The following ACER1 variants were observed in gnomAD, a reference collection of about 807,000 sequenced individuals.
ACER1 encodes the protein alkaline ceramidase 1.
A neutral mutation model predicts 24.9 loss-of-function variants in ACER1; 28 were observed. That is an observed-to-expected ratio of 1.13 (90% CI 0.83 to 1.54). ACER1 has a LOEUF of 1.54. Ranked by LOEUF, ACER1 falls within the 40% of genes most tolerant of loss-of-function variation. The probability of loss-of-function intolerance (pLI) is 0.00; values close to 1 mark genes in which losing one functional copy is unlikely to be tolerated. For synonymous variants in ACER1, 132 were observed against 131.4 expected, an observed-to-expected ratio of 1.00 and a Z score of -0.03; for missense variants, 352 against 349.3, an observed-to-expected ratio of 1.01 and a Z score of -0.06.
At chr19:6,353,426 G>A in the ACER1 span, 1 of 152,160 alleles carries the variant, frequency 6.6e-6, no homozygotes, top group African/African-American at 2.4e-5. Context: ...CTTGACTCCA[G>A]GAATTTGAAA....
At chr19:6,320,980 C>T (rs1343720550) in intron 1 of ACER1, among the ~76,000 whole-genome samples, 1 of 151,134 alleles carries the variant, frequency 6.6e-6, no homozygotes, top group African/African-American at 2.4e-5. Context: ...GTGCCAAGAG[C>T]TGTGGGTTGT....
At chr19:6,327,664 G>C (rs2091668040) in intron 1 of ACER1, among the ~76,000 whole-genome samples, 2 of 151,954 alleles carry the variant, frequency 1.3e-5, no homozygotes, top group African/African-American at 4.8e-5. Context: ...TCAGCCCACT[G>C]CCTTGTATCA....
chr19:6,347,109 A>AAAAAAAAAAAAATAT, the ACER1 span, among the ~76,000 whole-genome samples: 5 of 113,822 alleles, frequency 4.4e-5, no homozygotes, highest in Non-Finnish European at 6.3e-5. Context: ...AAAAAAAAAA[A>AAAAAAAAAAAAATAT]ATATATATAT....
chr19:6,328,893 T>C (rs1451798906), intron 1 of ACER1, among the ~76,000 whole-genome samples: 1 of 151,928 alleles, frequency 6.6e-6, no homozygotes, highest in East Asian at 1.9e-4. Flanking sequence ...CAGGCTGGTC[T>C]TGAACTCCTG....
intron 4 of ACER1, 84 bp from the exon 5 acceptor site, chr19:6,307,374 A>G (rs543930967): frequency 2.7e-6 from 4 of 1,508,878 alleles, no homozygotes; most frequent in Non-Finnish European, 3.6e-6. Context: ...TTCCACAGTG[A>G]TGAGGCTCAG....
intron 1 of ACER1, among the ~76,000 whole-genome samples, chr19:6,332,881 G>A (rs1260023317): frequency 6.6e-6 from 1 of 151,984 alleles, no homozygotes; most frequent in Non-Finnish European, 1.5e-5. Context: ...GTTGCCCAGG[G>A]CGATCTCCAA....
chr19:6,349,091 AAAG>A, the ACER1 span, among the ~76,000 whole-genome samples: 2 of 151,088 alleles, frequency 1.3e-5, no homozygotes, highest in Non-Finnish European at 2.9e-5. Flanking sequence ...GAGGAGGAAG[AAAG>A]AAGAAGAGGA....
At chr19:6,335,814 G>C (rs1189066069), upstream of ACER1, among the ~76,000 whole-genome samples, 1 of 151,380 alleles carries the variant, frequency 6.6e-6, no homozygotes, top group African/African-American at 2.4e-5. Flanking sequence ...CTGGGTGACA[G>C]AGAAAGACTC....
chr19:6,327,962 G>C (rs1025503781), intron 1 of ACER1, among the ~76,000 whole-genome samples: 7 of 151,600 alleles, frequency 4.6e-5, no homozygotes, highest in African/African-American at 1.7e-4. Flanking sequence ...TATAATCCCA[G>C]CTACTCGGGA....
chr19:6,331,298 C>T (rs1283310465), intron 1 of ACER1, among the ~76,000 whole-genome samples: 2 of 148,094 alleles, frequency 1.4e-5, no homozygotes, highest in South Asian at 2.1e-4. Flanking sequence ...TACAGGCGCC[C>T]GGCACCATGC....
At chr19:6,322,499 A>G (rs1268572909) in intron 1 of ACER1, among the ~76,000 whole-genome samples, 1 of 151,808 alleles carries the variant, frequency 6.6e-6, no homozygotes, top group Admixed American at 6.6e-5. Context: ...ATCTTTCAAA[A>G]CCCAACCCTG....
intron 4 of ACER1, among the ~76,000 whole-genome samples, chr19:6,309,189 C>T (rs2091565398): frequency 6.6e-6 from 1 of 150,774 alleles, no homozygotes. Flanking sequence ...CAGAGAGAGA[C>T]TCTGTCTCAA....
chr19:6,357,783 T>A, the ACER1 span, among the ~76,000 whole-genome samples: 1 of 151,622 alleles, frequency 6.6e-6, no homozygotes, highest in Non-Finnish European at 1.5e-5. Context: ...AAAAATTAGC[T>A]TTTTTGGGGA....
At chr19:6,308,842 C>T (rs1164864336) in intron 4 of ACER1, among the ~76,000 whole-genome samples, 6 of 151,860 alleles carry the variant, frequency 4.0e-5, no homozygotes, top group Non-Finnish European at 7.4e-5. Flanking sequence ...GGTTAGTGGG[C>T]GTGGGGAGGT....
chr19:6,344,404 T>C, the ACER1 span, among the ~76,000 whole-genome samples: 3 of 151,792 alleles, frequency 2.0e-5, no homozygotes, highest in Non-Finnish European at 4.4e-5. Flanking sequence ...ATTGTGCCAT[T>C]GCACTCCATC....
chr19:6,331,465 C>CT, intron 1 of ACER1, among the ~76,000 whole-genome samples: 3 of 135,424 alleles, frequency 2.2e-5, no homozygotes, highest in African/African-American at 9.9e-5. Flanking sequence ...CACTCTTCTG[C>CT]TCACTGAGCA....
Position 6,312,367 on chromosome 19 carries a change from T to G in ACER1, c.208+18A>C, listed in dbSNP as rs769575980. On this transcript the variant is annotated intron_variant, in intron 2 of 5. Coordinates refer to ENST00000301452, the MANE Select transcript of ACER1 (RefSeq NM_133492.3). ...CACTGCCTCCCGACTGTCACAGACC[T>G]GAACCACACCTCCCTACCTATGATC... 1.1e-5 allele frequency: 18 copies of G among 1,613,666 alleles called. No individual in the cohort carries two copies. In the African/African-American group the frequency reaches 1.7e-4, roughly 16 times the overall value.
intron 1 of ACER1, among the ~76,000 whole-genome samples, chr19:6,330,462 C>T (rs2091681792): frequency 6.7e-6 from 1 of 150,294 alleles, no homozygotes; most frequent in South Asian, 2.1e-4. Context: ...GCCAGTGGTG[C>T]CCAGCCCACA....
chr19:6,340,363 GGAAGGAA>G, the ACER1 span, among the ~76,000 whole-genome samples: 5 of 115,304 alleles, frequency 4.3e-5, no homozygotes, highest in African/African-American at 1.6e-4. Context: ...AAGGAAGGAA[GGAAGGAA>G]GGAAGAAAAA....
Sources: gnomAD v4.1 joint callset for allele counts (sites outside exome capture counted in the v4.1 genomes callset) on GRCh38, gnomAD v4.1.1 for gene constraint, MANE v1.5 for transcripts, NCBI Gene and HGNC (gene_info 2026-07-23, HGNC 2026-07-21) for gene names.